PACSIN1: variants seen among roughly 807,000 people sequenced by gnomAD.
PACSIN1 encodes the protein protein kinase C and casein kinase substrate in neurons 1, also known as protein kinase C and casein kinase substrate in neurons protein 1.
PACSIN1 carries 15 observed loss-of-function variants against 59.5 expected under a neutral mutation model. The observed-to-expected ratio is 0.25, with a 90% CI of 0.17 to 0.39. PACSIN1 has a LOEUF of 0.39. PACSIN1 is among the 10% of genes least tolerant of loss of function. The pLI is 1.00. For synonymous variants in PACSIN1, 210 were observed against 220.6 expected (o/e 0.95, Z 0.42); for missense variants, 420 against 580.2 (o/e 0.72, Z 2.84).
At chr6:34,505,876 C>T (rs899119760) in intron 1 of PACSIN1, among the ~76,000 whole-genome samples, 1 of 151,920 alleles carries the variant, frequency 6.6e-6, no homozygotes, top group Non-Finnish European at 1.5e-5. Context: ...AAGTGATCTG[C>T]CTGTCTTGGA....
intron 1 of PACSIN1, among the ~76,000 whole-genome samples, chr6:34,513,038 C>T (rs1335098636): frequency 6.6e-6 from 1 of 152,166 alleles, no homozygotes; most frequent in Non-Finnish European, 1.5e-5. Flanking sequence ...AACCCACTAG[C>T]TCATCATCTC....
rs1581988980 is a variant in PACSIN1 at position 34,530,719 on chromosome 6, T to C, written c.1037+132T>C. On this transcript the variant is annotated intron_variant, in intron 8 of 9. Transcript: ENST00000244458. The surrounding 1 kb of genome is among the most constrained non-coding windows in gnomAD (Gnocchi z 4.4). ...TCTCCTCTCTAAAAGATAGTGGTAG[T>C]TCATCACTCTAAAGCAGCCGTCCCC... The C allele has an allele frequency of 9.9e-7, 1 of 1,006,442 alleles. No homozygotes were observed. Among genetic ancestry groups the C allele is most frequent in the Non-Finnish European group, 1.3e-6 (1 of 747,540 alleles). The allele number at this position is 1,006,442 out of a possible 1,614,324, so 62.3% of individuals were successfully genotyped here. A position where few individuals can be genotyped will look rare whatever the true frequency, so the allele number is the denominator to read the frequency against.
In PACSIN1 at chr6:34,532,018, AGGATCTGAAGACG is replaced by A. The variant is rs1266832156; in HGVS notation, c.1225+234_1225+246del. On this transcript the variant is annotated intron_variant, in intron 9 of 9. Coordinates refer to ENST00000244458, the MANE Select transcript of PACSIN1 (RefSeq NM_020804.5). The surrounding 1 kb of genome is among the most constrained non-coding windows in gnomAD (Gnocchi z 5.2). ...ATTGGGTGTGTGGTGGGGTAGAGGCAGGATCTGAAGACGGGTTGCGAGGATTTGCAGGGAACTA... is the reference window on the plus strand; with the variant it reads ...ATTGGGTGTGTGGTGGGGTAGAGGCAGGTTGCGAGGATTTGCAGGGAACTA... 3.3e-5 allele frequency among the ~76,000 whole-genome samples: 5 copies of A among 152,090 alleles called. No individual in the cohort carries two copies. Among genetic ancestry groups the A allele is most frequent in the Non-Finnish European group, 5.9e-5 (4 of 68,016 alleles).
intron 1 of PACSIN1, among the ~76,000 whole-genome samples, chr6:34,495,479 G>C (rs911948550): frequency 6.7e-6 from 1 of 150,032 alleles, no homozygotes; most frequent in Non-Finnish European, 1.5e-5. Flanking sequence ...TCCAGACGGA[G>C]TCTCACTCTG....
At chr6:34,478,425 T>G (rs1282225080) in intron 1 of PACSIN1, among the ~76,000 whole-genome samples, 2 of 128,208 alleles carry the variant, frequency 1.6e-5, no homozygotes, top group Non-Finnish European at 3.2e-5. Context: ...CAGGCTGGAG[T>G]GCAGTGGCAC....
In PACSIN1 at chr6:34,528,964, G is replaced by A. The variant is rs1767539179; in HGVS notation, c.456+87G>A. ...TCCCAGGGAGGGCATCTATGGATGGGTGGGCTGGGCACTGCCCTCTGGGAT... is the reference window on the plus strand; with the variant it reads ...TCCCAGGGAGGGCATCTATGGATGGATGGGCTGGGCACTGCCCTCTGGGAT... On this transcript the variant is annotated intron_variant, in intron 4 of 9. Transcript: ENST00000244458. 8 of 1,053,554 alleles carry A rather than the reference G, an allele frequency of 7.6e-6. No individual in the cohort carries two copies. The Admixed American group carries it at 1.3e-4, about 18-fold the overall frequency. 65.3% of individuals were successfully genotyped at this position (1,053,554 alleles called of 1,614,324 possible).
At chr6:34,490,225 AC>A (rs1208751279) in intron 1 of PACSIN1, among the ~76,000 whole-genome samples, 6 of 118,210 alleles carry the variant, frequency 5.1e-5, no homozygotes, top group African/African-American at 2.2e-4. Context: ...TAATTTAAAA[AC>A]TTTTTTTTTT....
At chr6:34,502,541 C>A (rs1767040208) in intron 1 of PACSIN1, among the ~76,000 whole-genome samples, 1 of 140,488 alleles carries the variant, frequency 7.1e-6, no homozygotes, top group Non-Finnish European at 1.5e-5. Context: ...TCTCGGCTCA[C>A]TACAAGTTCC....
intron 1 of PACSIN1, among the ~76,000 whole-genome samples, chr6:34,498,907 C>T (rs1488985844): frequency 6.6e-6 from 1 of 151,380 alleles, no homozygotes; most frequent in Non-Finnish European, 1.5e-5. Context: ...GCGTTTTTGG[C>T]ACCGGGGACT....
At chr6:34,507,276 C>A (rs1463194543) in intron 1 of PACSIN1, among the ~76,000 whole-genome samples, 1 of 152,102 alleles carries the variant, frequency 6.6e-6, no homozygotes, top group Admixed American at 6.5e-5. Context: ...AAAAAGAAAA[C>A]CCAGGGAACT....
rs1046399774 is a variant in PACSIN1 at position 34,514,087 on chromosome 6, T to C, written c.-63-12156T>C. 6.6e-6 allele frequency among the ~76,000 whole-genome samples: 1 copy of C among 152,182 alleles called. No homozygotes were observed. The highest frequency in any genetic ancestry group is 1.5e-5 in the Non-Finnish European group (1 of 68,030). ...GTGTGTGTGTGTTATAGGTGCACTGTAGGAAGATACACAGACTTGTGGAAA... is the reference window on the plus strand; with the variant it reads ...GTGTGTGTGTGTTATAGGTGCACTGCAGGAAGATACACAGACTTGTGGAAA... On this transcript the variant is annotated intron_variant, in intron 1 of 9. Transcript: ENST00000244458. This position sits in a 1 kb window ranked among gnomAD's most constrained non-coding sequence, Gnocchi z 4.4.
At chr6:34,527,298 C>T (rs769692308) in intron 2 of PACSIN1, 34 bp from the exon 3 acceptor site, 1 of 1,481,274 alleles carries the variant, frequency 6.8e-7, no homozygotes, top group Non-Finnish European at 9.0e-7. Context: ...ACGCTGGGAA[C>T]CCGCGGGAGT....
chr6:34,468,135 C>T (rs988833161), intron 1 of PACSIN1, among the ~76,000 whole-genome samples: 3 of 152,246 alleles, frequency 2.0e-5, no homozygotes, highest in Non-Finnish European at 2.9e-5. Flanking sequence ...CCAAGCCAGG[C>T]CTTCCTCAGC....
intron 1 of PACSIN1, among the ~76,000 whole-genome samples, chr6:34,478,664 C>T (rs1310292392): frequency 6.6e-6 from 1 of 152,250 alleles, no homozygotes; most frequent in African/African-American, 2.4e-5. Context: ...AGCCACCACA[C>T]TCAGCCTATT....
chr6:34,494,144 G>T (rs1766915581), intron 1 of PACSIN1, among the ~76,000 whole-genome samples: 1 of 152,154 alleles, frequency 6.6e-6, no homozygotes, highest in African/African-American at 2.4e-5. Flanking sequence ...TTACCTACTT[G>T]TTAGTTTTAT....
intron 1 of PACSIN1, among the ~76,000 whole-genome samples, chr6:34,492,080 T>C (rs941417528): frequency 2.6e-5 from 4 of 152,208 alleles, no homozygotes; most frequent in African/African-American, 9.7e-5. Flanking sequence ...TTTTCAGTTC[T>C]TTCAGAAATT....
chr6:34,486,326 A>C (rs374839515), intron 1 of PACSIN1, among the ~76,000 whole-genome samples: 1 of 152,104 alleles, frequency 6.6e-6, no homozygotes. Context: ...ATTTGTCTCC[A>C]ATGTGGTTCT....
chr6:34,519,471 T>C (rs144668826), intron 1 of PACSIN1, among the ~76,000 whole-genome samples: 174 of 152,192 alleles, frequency 1.1e-3, no homozygotes, highest in African/African-American at 3.7e-3. Context: ...AGGCCTGAGA[T>C]CTTCCTTTCA....
Position 34,531,780 on chromosome 6 carries a change from T to C in PACSIN1, c.1218T>C (p.Phe406=). ...YDGQEQDELS[F]KAGDELTKLG... ...GCCAGGAGCAGGACGAGCTCAGCTT[T>C]AAGGCCGGTAGGACGGCTGGGCGGG... Residue 406 remains phenylalanine (F), a synonymous_variant, in exon 9 of 10, where the codon TTT becomes TTC. Transcript: ENST00000244458. This position sits in a 1 kb window ranked among gnomAD's most constrained non-coding sequence, Gnocchi z 4.4. 6.4e-7 allele frequency: 1 copy of C among 1,564,080 alleles called. No individual in the cohort carries two copies. Among genetic ancestry groups the C allele is most frequent in the Non-Finnish European group, 8.7e-7 (1 of 1,152,954 alleles).
Sources: allele counts gnomAD v4.1 joint callset (sites outside exome capture counted in the v4.1 genomes callset), GRCh38; gene constraint gnomAD v4.1.1; non-coding constraint Gnocchi (gnomAD v3.1); transcripts MANE v1.5; gene names NCBI Gene and HGNC (gene_info 2026-07-23, HGNC 2026-07-21).